Variants in ABCC12 observed in about 807,000 individuals in gnomAD.
ABCC12 encodes the protein ATP-binding cassette sub-family C member 12.
A neutral mutation model predicts 151.1 loss-of-function variants in ABCC12; 142 were observed. That is an observed-to-expected ratio of 0.94 (90% CI 0.82 to 1.08). The LOEUF (loss-of-function observed/expected upper bound fraction) is 1.08. Among genes scored for constraint, ABCC12 ranks in the 50% least tolerant of loss-of-function variants. ABCC12 has a pLI of 0.00. For synonymous variants in ABCC12, 645 were observed against 646.4 expected, an observed-to-expected ratio of 1.00 and a Z score of 0.03; for missense variants, 1,638 against 1,691.1, an observed-to-expected ratio of 0.97 and a Z score of 0.55.
intron 24 of ABCC12, among the ~76,000 whole-genome samples, chr16:48,094,645 C>T (rs570043357): frequency 6.6e-6 from 1 of 152,334 alleles, no homozygotes; most frequent in Non-Finnish European, 1.5e-5. Flanking sequence ...CATGGACACA[C>T]ACACATAAAC....
chr16:48,146,644 C>G (rs1218006519), intron 2 of ABCC12, 170 bp from the exon 3 acceptor site: 2 of 535,398 alleles, frequency 3.7e-6, no homozygotes, highest in African/African-American at 3.8e-5. Flanking sequence ...TGCTACGTCC[C>G]TTAATGCTAC....
At chr16:48,085,860 A>G (rs1323351423) in intron 28 of ABCC12, among the ~76,000 whole-genome samples, 154 bp from the exon 29 acceptor site, 2 of 152,194 alleles carry the variant, frequency 1.3e-5, no homozygotes, top group East Asian at 3.8e-4. Flanking sequence ...CAATATTGCA[A>G]ACAGGCACCA....
Position 48,111,767 on chromosome 16 carries a change from G to A in ABCC12, c.2124+9C>T, listed in dbSNP as rs1963701236. The A allele has an allele frequency of 6.2e-7, 1 of 1,614,178 alleles. No homozygotes were observed. Among genetic ancestry groups the A allele is most frequent in the South Asian group, 1.1e-5 (1 of 91,070 alleles). On this transcript the variant is annotated intron_variant, in intron 16 of 30. Coordinates refer to ENST00000311303, the MANE Select transcript of ABCC12 (RefSeq NM_001393797.1). The stretch of plus-strand genomic sequence containing the variant: ...CAATTGTTCCCACACCTGCCCAGGT[G>A]TGAGTTACCTTGAACTGCAATCCTC...
Position 48,108,538 on chromosome 16 carries a change from A to T in ABCC12, c.2282-9T>A, listed in dbSNP as rs200081454. The T allele has an allele frequency of 1.8e-5, 29 of 1,613,130 alleles. No homozygotes were observed. The highest frequency in any genetic ancestry group is 2.5e-5 in the Non-Finnish European group (29 of 1,179,594). ...GAGCTGGTGCTCAGGAACTGTGGAGACAAACACAAGTGCCATGGCTCTCAC... is the reference window on the plus strand; with the variant it reads ...GAGCTGGTGCTCAGGAACTGTGGAGTCAAACACAAGTGCCATGGCTCTCAC... On this transcript the variant is annotated splice_polypyrimidine_tract_variant and intron_variant, in intron 18 of 30. Coordinates refer to ENST00000311303, the MANE Select transcript of ABCC12 (RefSeq NM_001393797.1).
chr16:48,151,002 G>T (rs2150686489), intron 2 of ABCC12, among the ~76,000 whole-genome samples: 1 of 152,166 alleles, frequency 6.6e-6, no homozygotes, highest in Admixed American at 6.5e-5. Flanking sequence ...AGCAGTATCA[G>T]AATTGTCAAC....
Position 48,091,228 on chromosome 16 carries a change from C to G in ABCC12, c.3196-19G>C, listed in dbSNP as rs749315056. The G allele has an allele frequency of 3.1e-6, 5 of 1,612,596 alleles. No individual in the cohort carries two copies. Among genetic ancestry groups the G allele is most frequent in the Non-Finnish European group, 3.4e-6 (4 of 1,178,680 alleles). On this transcript the variant is annotated intron_variant, in intron 24 of 30. Transcript: ENST00000311303. The stretch of plus-strand genomic sequence containing the variant: ...CGCTCAGCTGTTGAAAAGGAGCGAG[C>G]AGCCGCAGTTAGAGCCCCTTCCTCC...
chr16:48,111,312 C>T, intron 18 of ABCC12, 124 bp downstream of exon 18: 2 of 1,188,892 alleles, frequency 1.7e-6, no homozygotes, highest in East Asian at 2.4e-5. Flanking sequence ...CACACAGTAC[C>T]CTAGACCATC....
At chr16:48,108,223 A>T (rs1472109682) in intron 19 of ABCC12, among the ~76,000 whole-genome samples, 1 of 152,192 alleles carries the variant, frequency 6.6e-6, no homozygotes, top group African/African-American at 2.4e-5. Context: ...AATAAAAGAG[A>T]GTCTGGCAGC....
intron 8 of ABCC12, 61 bp downstream of exon 8, chr16:48,138,167 C>A (rs571604977): frequency 1.3e-6 from 2 of 1,501,106 alleles, no homozygotes; most frequent in East Asian, 2.3e-5. Context: ...ACCGTAAGAA[C>A]CCCTTAGAAG....
At chr16:48,135,397 T>A (rs538622925) in intron 8 of ABCC12, among the ~76,000 whole-genome samples, 1 of 152,268 alleles carries the variant, frequency 6.6e-6, no homozygotes, top group East Asian at 1.9e-4. Context: ...TTTATTTATA[T>A]TTGAGACAGA....
At chr16:48,094,890 T>G (rs879334891) in intron 24 of ABCC12, among the ~76,000 whole-genome samples, 4 of 152,010 alleles carry the variant, frequency 2.6e-5, no homozygotes, top group African/African-American at 4.8e-5. Flanking sequence ...CAGAGGAAAC[T>G]CTGAAAACCC....
At chr16:48,117,444 G>A (rs536286034) in intron 13 of ABCC12, 111 bp from the exon 14 acceptor site, 234 of 1,160,794 alleles carry the variant, frequency 2.0e-4, no homozygotes, top group Middle Eastern at 4.5e-4. Context: ...CAGGGGTGGC[G>A]GCTGCTATGT....
intron 22 of ABCC12, 88 bp downstream of exon 22, chr16:48,104,054 A>T (rs1963395605): frequency 7.3e-7 from 1 of 1,361,652 alleles, no homozygotes; most frequent in Non-Finnish European, 1.0e-6. Flanking sequence ...ATCAGTAAAG[A>T]CAGCAAGCAC....
At chr16:48,140,065 T>G (rs1964752373) in intron 6 of ABCC12, among the ~76,000 whole-genome samples, 1 of 152,236 alleles carries the variant, frequency 6.6e-6, no homozygotes, top group South Asian at 2.1e-4. Context: ...GTTTGCTATA[T>G]GCAACTGAAT....
intron 9 of ABCC12, among the ~76,000 whole-genome samples, chr16:48,133,051 C>G (rs1042546154): frequency 1.3e-5 from 2 of 152,118 alleles, no homozygotes; most frequent in Non-Finnish European, 2.9e-5. Flanking sequence ...TTCTCAAACT[C>G]TCCTTCTTGT....
At chr16:48,134,653 T>C (rs1964545788) in intron 8 of ABCC12, among the ~76,000 whole-genome samples, 2 of 152,304 alleles carry the variant, frequency 1.3e-5, no homozygotes, top group Admixed American at 1.3e-4. Flanking sequence ...TCCAACACTC[T>C]TTTCTGCTAA....
chr16:48,133,711 C>CAGG lies in ABCC12; in HGVS notation c.1101_1103dup (p.Leu368dup), dbSNP rs1222353255. 59 of 1,613,926 alleles carry CAGG rather than the reference C, an allele frequency of 3.7e-5. No individual in the cohort carries two copies. Among genetic ancestry groups the CAGG allele is most frequent in the Non-Finnish European group, 4.9e-5 (58 of 1,180,016 alleles). On this transcript the variant is annotated inframe_insertion, in exon 9 of 31. Transcript: ENST00000311303. ...CCACGGGTGCGGTGAGTTTGCGTCT[C>CAGG]AGGAGGATGTGGCAGGATAATGTCA...
intron 20 of ABCC12, among the ~76,000 whole-genome samples, chr16:48,106,323 G>A (rs1041257980): frequency 6.6e-6 from 1 of 152,110 alleles, no homozygotes; most frequent in Admixed American, 6.5e-5. Context: ...TGCATGTCTG[G>A]GAGGGCAGGG....
Position 48,095,624 on chromosome 16 carries a change from A to G in ABCC12, c.3195+1122T>C, listed in dbSNP as rs191520061. Among the ~76,000 whole-genome samples the G allele has an allele frequency of 8.1e-4, 124 of 152,322 alleles. 1 individual carries two copies. The highest frequency in any genetic ancestry group is 2.8e-3 in the African/African-American group (118 of 41,584). On this transcript the variant is annotated intron_variant, in intron 24 of 30. Transcript: ENST00000311303. ...AAATTCCCAAGATAAAAAGACAAGA[A>G]CATGGAAACTGAGAGAAAAGAAAAA...
Sources: gnomAD v4.1 joint callset for allele counts (sites outside exome capture counted in the v4.1 genomes callset) on GRCh38, gnomAD v4.1.1 for gene constraint, MANE v1.5 for transcripts, NCBI Gene and HGNC (gene_info 2026-07-23, HGNC 2026-07-21) for gene names.